TMEM178B: variants seen among roughly 807,000 people sequenced by gnomAD.
TMEM178B encodes transmembrane protein 178B.
Under a neutral mutation model 31.0 loss-of-function variants are expected in TMEM178B, and 5 were observed. The observed-to-expected ratio is 0.16, with a 90% confidence interval of 0.08 to 0.34. The LOEUF is 0.34. Among genes scored for constraint, TMEM178B ranks in the 10% least tolerant of loss-of-function variants. The probability of loss-of-function intolerance (pLI) is 1.00; values close to 1 mark genes in which losing one functional copy is unlikely to be tolerated. For synonymous variants in TMEM178B, 164 were observed against 164.0 expected (o/e 1.00, Z 0.00); for missense variants, 275 against 400.3 (o/e 0.69, Z 2.67).
intron 2 of TMEM178B, among the ~76,000 whole-genome samples, chr7:141,228,039 TAC>T (rs71853516): frequency 4.6e-4 from 69 of 149,890 alleles, no homozygotes; most frequent in South Asian, 2.3e-3. Flanking sequence ...AAGGTGTGTG[TAC>T]ACACACACAC....
chr7:141,103,437 C>T (rs1795090650), intron 1 of TMEM178B, among the ~76,000 whole-genome samples: 2 of 152,186 alleles, frequency 1.3e-5, no homozygotes, highest in South Asian at 2.1e-4. Flanking sequence ...GTTTCCCTGT[C>T]TTCTTTCACT....
At chr7:141,233,829 C>T (rs1020137637) in intron 2 of TMEM178B, among the ~76,000 whole-genome samples, 1 of 152,214 alleles carries the variant, frequency 6.6e-6, no homozygotes, top group Admixed American at 6.5e-5. Flanking sequence ...GTCCCTATCA[C>T]ATGAAATATT....
At chr7:141,195,407 G>T (rs755935799) in intron 1 of TMEM178B, among the ~76,000 whole-genome samples, 1 of 152,092 alleles carries the variant, frequency 6.6e-6, no homozygotes, top group South Asian at 2.1e-4. Context: ...CTCAGGCAGG[G>T]CCAAAATTCT....
intron 2 of TMEM178B, among the ~76,000 whole-genome samples, chr7:141,249,450 A>G (rs955212591): frequency 2.6e-5 from 4 of 152,242 alleles, no homozygotes; most frequent in Non-Finnish European, 5.9e-5. Flanking sequence ...GTACTTATAC[A>G]GTAAATTGGT....
intron 2 of TMEM178B, among the ~76,000 whole-genome samples, chr7:141,340,359 A>G (rs1015975263): frequency 1.3e-5 from 2 of 152,226 alleles, no homozygotes; most frequent in African/African-American, 2.4e-5. Context: ...TACAGCAGCA[A>G]TAGATAACTA....
intron 1 of TMEM178B, among the ~76,000 whole-genome samples, chr7:141,150,479 A>G (rs1424683433): frequency 6.6e-6 from 1 of 152,230 alleles, no homozygotes; most frequent in Admixed American, 6.5e-5. Context: ...CTCCCCAACA[A>G]AGAAACAGTT....
At chr7:141,364,690 G>A (rs1344565427) in intron 2 of TMEM178B, among the ~76,000 whole-genome samples, 1 of 147,298 alleles carries the variant, frequency 6.8e-6, no homozygotes, top group Admixed American at 6.8e-5. Flanking sequence ...AAAAAAGTTG[G>A]GCCAGGGATC....
chr7:141,122,086 T>C (rs1215462038), intron 1 of TMEM178B, among the ~76,000 whole-genome samples: 1 of 152,226 alleles, frequency 6.6e-6, no homozygotes, highest in Non-Finnish European at 1.5e-5. Context: ...TAGAAGTCTG[T>C]TATTATTAGA....
chr7:141,320,934 C>A lies in TMEM178B; in HGVS notation c.496+108230C>A, dbSNP rs147741068. On this transcript the variant is annotated intron_variant, in intron 2 of 3. Transcript: ENST00000565468. ...TGTGAACTGCCTGGAGAAGGACTGG[C>A]CTTTCAGGTGGGTGGAACCTTGCAG... 2.0e-3 allele frequency among the ~76,000 whole-genome samples: 311 copies of A among 152,254 alleles called. 2 individuals are homozygous for A. The highest frequency in any genetic ancestry group is 7.3e-3 in the African/African-American group (304 of 41,540).
the TMEM178B span, among the ~76,000 whole-genome samples, chr7:141,494,936 T>C: frequency 2.6e-5 from 4 of 152,254 alleles, no homozygotes; most frequent in African/African-American, 9.6e-5. Flanking sequence ...ACAAGATAGG[T>C]GATAAGTTGA....
At chr7:141,109,717 T>A (rs73501155) in intron 1 of TMEM178B, among the ~76,000 whole-genome samples, 3,165 of 152,190 alleles carry the variant, frequency 0.021, 128 homozygotes, top group African/African-American at 0.07. Flanking sequence ...GGTAGTTAAT[T>A]TGGGAGAAGC....
chr7:141,154,180 T>C (rs1005340316), intron 1 of TMEM178B, among the ~76,000 whole-genome samples: 1 of 152,200 alleles, frequency 6.6e-6, no homozygotes, highest in African/African-American at 2.4e-5. Context: ...CTGTCTTCCA[T>C]AGGTGGAAAA....
intron 2 of TMEM178B, among the ~76,000 whole-genome samples, chr7:141,317,959 C>G (rs1231450818): frequency 6.6e-6 from 1 of 152,166 alleles, no homozygotes; most frequent in East Asian, 1.9e-4. Flanking sequence ...AAGCATTTGT[C>G]TACCACCTAA....
chr7:141,108,035 A>G (rs1795173549), intron 1 of TMEM178B, among the ~76,000 whole-genome samples: 1 of 152,190 alleles, frequency 6.6e-6, no homozygotes, highest in African/African-American at 2.4e-5. Flanking sequence ...ACAGCTGAGG[A>G]CTGAGATTTG....
intron 1 of TMEM178B, among the ~76,000 whole-genome samples, chr7:141,177,154 T>C (rs1330195967): frequency 1.3e-5 from 2 of 152,258 alleles, no homozygotes; most frequent in Non-Finnish European, 2.9e-5. Context: ...GTTGTGTCTT[T>C]GTTCTCATTG....
chr7:141,376,660 T>C (rs997868327), intron 2 of TMEM178B, among the ~76,000 whole-genome samples: 1 of 152,140 alleles, frequency 6.6e-6, no homozygotes, highest in Non-Finnish European at 1.5e-5. Flanking sequence ...ACAAATCCAA[T>C]AGGTTGGAGC....
rs190920399 is a variant in TMEM178B, at chr7:141,308,786, C to T, written c.496+96082C>T. ...CAAAGAGGCTGTGCAACCTGCCCGA[C>T]GCTGGGCCATGAGCTGGGTGGGGAG... On this transcript the variant is annotated intron_variant, in intron 2 of 3. Transcript: ENST00000565468. Among the ~76,000 whole-genome samples, 19 of 152,296 alleles carry T rather than the reference C, an allele frequency of 1.2e-4. No homozygotes were observed. The East Asian group carries it at 3.3e-3, about 26-fold the overall frequency.
intron 1 of TMEM178B, among the ~76,000 whole-genome samples, chr7:141,150,343 T>C (rs1795949501): frequency 2.0e-5 from 3 of 152,166 alleles, no homozygotes; most frequent in East Asian, 3.8e-4. Flanking sequence ...ATGCAATTTT[T>C]CCCCCACAGC....
At chr7:141,123,672 A>G (rs1360839792) in intron 1 of TMEM178B, among the ~76,000 whole-genome samples, 2 of 152,144 alleles carry the variant, frequency 1.3e-5, no homozygotes, top group African/African-American at 2.4e-5. Flanking sequence ...GAACTAGAAC[A>G]TACTCTGAGG....
Sources: gnomAD v4.1 joint callset for allele counts (sites outside exome capture counted in the v4.1 genomes callset) on GRCh38, gnomAD v4.1.1 for gene constraint, MANE v1.5 for transcripts, NCBI Gene and HGNC (gene_info 2026-07-23, HGNC 2026-07-21) for gene names.